Variants in SLC9A9 observed in about 807,000 individuals in gnomAD.
The protein encoded by SLC9A9 is sodium/hydrogen exchanger 9.
In SLC9A9, 62 loss-of-function variants were observed where a neutral mutation model predicts 77.8. That is an observed-to-expected ratio of 0.80 (90% CI 0.65 to 0.98). The LOEUF is 0.98. SLC9A9 is among the 50% of genes least tolerant of loss of function. SLC9A9 has a pLI of 0.00. For synonymous variants in SLC9A9, 320 were observed against 283.5 expected (o/e 1.13, Z -1.29); for missense variants, 775 against 774.9 (o/e 1.00, Z 0.00).
chr3:143,714,673 T>C (rs757944201), intron 4 of SLC9A9, among the ~76,000 whole-genome samples: 2 of 152,230 alleles, frequency 1.3e-5, no homozygotes, highest in Non-Finnish European at 2.9e-5. Flanking sequence ...AGATCCATTC[T>C]CCACCCTTTC....
At chr3:143,301,370 C>A (rs1452512960) in intron 14 of SLC9A9, among the ~76,000 whole-genome samples, 2 of 152,202 alleles carry the variant, frequency 1.3e-5, no homozygotes, top group African/African-American at 4.8e-5. Flanking sequence ...TTAATGCACC[C>A]CAGAGCTGCA....
At chr3:143,811,879 GAAAAA>G (rs777760471) in intron 2 of SLC9A9, 6 of 318,196 alleles carry the variant, frequency 1.9e-5, no homozygotes, top group Non-Finnish European at 3.0e-5. Flanking sequence ...AAAAAAAAAA[GAAAAA>G]GAAAAGAAAA....
At chr3:143,621,977 T>G (rs995417408) in intron 6 of SLC9A9, among the ~76,000 whole-genome samples, 1 of 152,132 alleles carries the variant, frequency 6.6e-6, no homozygotes, top group Non-Finnish European at 1.5e-5. Flanking sequence ...TGAACAAGCC[T>G]CAGTAGCCAA....
chr3:143,359,942 A>G (rs2108481311), intron 14 of SLC9A9, among the ~76,000 whole-genome samples: 1 of 152,342 alleles, frequency 6.6e-6, no homozygotes, highest in Middle Eastern at 3.4e-3. Flanking sequence ...AGTACCAATA[A>G]ATGTTCAAGA....
intron 9 of SLC9A9, among the ~76,000 whole-genome samples, chr3:143,507,458 C>T (rs941045492): frequency 1.3e-5 from 2 of 152,068 alleles, no homozygotes. Context: ...CTGCCTGCCT[C>T]GGCCTCCCAA....
intron 9 of SLC9A9, among the ~76,000 whole-genome samples, chr3:143,516,766 C>A (rs2036209349): frequency 6.6e-6 from 1 of 152,066 alleles, no homozygotes; most frequent in African/African-American, 2.4e-5. Context: ...AGGTATCATT[C>A]TGAAAATATG....
chr3:143,812,736 G>A (rs1426870898), intron 2 of SLC9A9, among the ~76,000 whole-genome samples: 7 of 152,052 alleles, frequency 4.6e-5, no homozygotes, highest in Non-Finnish European at 7.4e-5. Context: ...ATTCGGCAGC[G>A]GTTATGAATC....
intron 7 of SLC9A9, among the ~76,000 whole-genome samples, chr3:143,577,770 C>T (rs2037385724): frequency 6.6e-6 from 1 of 152,198 alleles, no homozygotes; most frequent in African/African-American, 2.4e-5. Context: ...GGGGCCTTCA[C>T]CCCTCTGGCA....
intron 6 of SLC9A9, among the ~76,000 whole-genome samples, chr3:143,649,763 C>A (rs548040953): frequency 3.2e-4 from 48 of 152,176 alleles, no homozygotes; most frequent in African/African-American, 1.1e-3. Flanking sequence ...GGGGCTTGGC[C>A]AAGGGCTATA....
At chr3:143,346,233 AAAG>A (rs973284299) in intron 14 of SLC9A9, among the ~76,000 whole-genome samples, 1 of 152,212 alleles carries the variant, frequency 6.6e-6, no homozygotes, top group Non-Finnish European at 1.5e-5. Flanking sequence ...CACTTGGCTA[AAAG>A]AAGATTATTC....
intron 4 of SLC9A9, among the ~76,000 whole-genome samples, chr3:143,782,426 G>T (rs925898749): frequency 1.3e-5 from 2 of 152,186 alleles, no homozygotes; most frequent in East Asian, 1.9e-4. Flanking sequence ...CACTGATGCT[G>T]TTGGTCCAAG....
At chr3:143,744,995 C>T (rs559104086) in intron 4 of SLC9A9, among the ~76,000 whole-genome samples, 15 of 152,296 alleles carry the variant, frequency 9.8e-5, no homozygotes, top group South Asian at 4.1e-4. Context: ...CCAATTAACG[C>T]GCATTTGTTC....
intron 2 of SLC9A9, among the ~76,000 whole-genome samples, chr3:143,809,029 G>C (rs1215826601): frequency 6.6e-6 from 1 of 152,168 alleles, no homozygotes; most frequent in Non-Finnish European, 1.5e-5. Flanking sequence ...CTTTCTAAGA[G>C]TATCAGGAAC....
At chr3:143,288,361 T>A (rs1938439748) in intron 14 of SLC9A9, among the ~76,000 whole-genome samples, 1 of 152,294 alleles carries the variant, frequency 6.6e-6, no homozygotes, top group African/African-American at 2.4e-5. Context: ...CAGCTCAGGT[T>A]CTACTTGTTC....
At chr3:143,400,509 A>G (rs1351265461) in intron 12 of SLC9A9, among the ~76,000 whole-genome samples, 1 of 152,058 alleles carries the variant, frequency 6.6e-6, no homozygotes, top group African/African-American at 2.4e-5. Context: ...CATATGAATG[A>G]TACATTGAAC....
chr3:143,621,514 T>C (rs1283780224), intron 6 of SLC9A9, among the ~76,000 whole-genome samples: 3 of 152,112 alleles, frequency 2.0e-5, no homozygotes, highest in Non-Finnish European at 4.4e-5. Flanking sequence ...GGGTCTGGAG[T>C]GGACCTCCAG....
chr3:143,408,279 C>T (rs1369339679), intron 12 of SLC9A9, among the ~76,000 whole-genome samples: 1 of 152,098 alleles, frequency 6.6e-6, no homozygotes, highest in Non-Finnish European at 1.5e-5. Flanking sequence ...CTAACAAACT[C>T]TTAGGTGATT....
chr3:143,781,999 G>A (rs375187796), intron 4 of SLC9A9, among the ~76,000 whole-genome samples: 5 of 152,296 alleles, frequency 3.3e-5, no homozygotes, highest in Non-Finnish European at 7.4e-5. Context: ...CACTGGAAGC[G>A]CTAAAATCCT....
At chr3:143,633,352 A>G (rs1370639692) in intron 6 of SLC9A9, among the ~76,000 whole-genome samples, 2 of 152,212 alleles carry the variant, frequency 1.3e-5, no homozygotes, top group African/African-American at 2.4e-5. Context: ...AAACCCTTTT[A>G]CTTACATTTA....
Sources: allele counts gnomAD v4.1 joint callset (sites outside exome capture counted in the v4.1 genomes callset), GRCh38; gene constraint gnomAD v4.1.1; transcripts MANE v1.5; gene names NCBI Gene and HGNC (gene_info 2026-07-23, HGNC 2026-07-21).